ARHGEF1: variants seen among roughly 807,000 people sequenced by gnomAD.
The protein encoded by ARHGEF1 is Rho guanine nucleotide exchange factor 1.
ARHGEF1 carries 40 observed loss-of-function variants against 119.7 expected under a neutral mutation model. The ratio of observed to expected loss-of-function variants is 0.33; its 90% CI spans 0.26 to 0.44. The LOEUF is 0.44. Ranked by LOEUF, ARHGEF1 falls within the 20% of genes least tolerant of loss-of-function variation. ARHGEF1 has a pLI of 1.00. For synonymous variants in ARHGEF1, 494 were observed against 521.0 expected (o/e 0.95, Z 0.71); for missense variants, 976 against 1,268.3 (o/e 0.77, Z 3.50).
At chr19:41,926,288 G>A (rs1221463992) in intron 1 of ARHGEF1, among the ~76,000 whole-genome samples, 3 of 152,080 alleles carry the variant, frequency 2.0e-5, no homozygotes, top group African/African-American at 4.8e-5. Flanking sequence ...AGGGGCAGGT[G>A]AGAGGAAATA....
At chr19:41,887,013 A>G (rs1555845323) in intron 1 of ARHGEF1, among the ~76,000 whole-genome samples, 2 of 152,236 alleles carry the variant, frequency 1.3e-5, no homozygotes, top group African/African-American at 4.8e-5. Flanking sequence ...TGGGAGAGAC[A>G]GCAAGAGATG....
intron 13 of ARHGEF1, chr19:41,897,145 C>T (rs1364739172): frequency 6.3e-6 from 3 of 478,152 alleles, no homozygotes; most frequent in African/African-American, 4.5e-5. Flanking sequence ...CCTCAACCCC[C>T]CACCCCTCTG....
intron 12 of ARHGEF1, among the ~76,000 whole-genome samples, chr19:41,895,760 CTT>C: frequency 6.6e-6 from 1 of 152,280 alleles, no homozygotes; most frequent in East Asian, 1.9e-4. Flanking sequence ...TCAACCCTTC[CTT>C]TTCCAGAACC....
At position 41,916,422 on chromosome 19, in the gene ARHGEF1, C is replaced by G. The variant is rs1404869563; in HGVS notation, c.1866-6670C>G. 6.6e-6 allele frequency among the ~76,000 whole-genome samples: 1 copy of G among 152,136 alleles called. No homozygotes were observed. The highest frequency in any genetic ancestry group is 2.4e-5 in the African/African-American group (1 of 41,426). On this transcript the variant is annotated intron_variant, in intron 18 of 20. Coordinates refer to the ARHGEF1 transcript ENST00000599589. The surrounding 1 kb of genome is among the most constrained non-coding windows in gnomAD (Gnocchi z 5.4). ...ACACACCAACACTGTCACAGTCACA[C>G]ACACACACATCAGCATAGTCACAGA...
chr19:41,908,517 G>A (rs2074732330), downstream of ARHGEF1: 1 of 1,231,654 alleles, frequency 8.1e-7, no homozygotes, highest in South Asian at 4.1e-5. The surrounding 1 kb of genome is among the most constrained non-coding windows in gnomAD (Gnocchi z 6.7). Flanking sequence ...GTGGCCCAGG[G>A]AACTGGCCAG....
At chr19:41,895,927 A>C (rs1392053266) in intron 12 of ARHGEF1, among the ~76,000 whole-genome samples, 2 of 152,124 alleles carry the variant, frequency 1.3e-5, no homozygotes, top group East Asian at 3.9e-4. Context: ...GGGCTCACAC[A>C]CCAGCTCTGC....
At position 41,902,783 on chromosome 19, in the gene ARHGEF1, GGAA is replaced by G; in HGVS notation, c.1625_1627del (p.Glu542del). ...TCGCAACACCAGCATGTTTCCCGCA[GGAA>G]GCTGAGAGCCGCCCGCGGTGCCGCC... On this transcript the variant is annotated inframe_deletion and splice_region_variant, in exon 18 of 29. Transcript: ENST00000354532. This position sits in a 1 kb window ranked among gnomAD's most constrained non-coding sequence, Gnocchi z 6.5. 6.2e-7 allele frequency: 1 copy of G among 1,613,226 alleles called. No homozygotes were observed. The highest frequency in any genetic ancestry group is 8.5e-7 in the Non-Finnish European group (1 of 1,180,010).
upstream of ARHGEF1, among the ~76,000 whole-genome samples, chr19:41,919,261 C>T (rs1224018894): frequency 2.6e-5 from 4 of 152,146 alleles, no homozygotes; most frequent in African/African-American, 9.7e-5. Flanking sequence ...CACAGAAGCA[C>T]ACAGGGTGAC....
chr19:41,927,989 G>A (rs2074881892), intron 1 of ARHGEF1: 1 of 150,842 alleles, frequency 6.6e-6, no homozygotes, highest in Admixed American at 6.6e-5. Context: ...CTCCTGGGGC[G>A]GGAATCCCCG....
At chr19:41,908,567 C>T, downstream of ARHGEF1, 3 of 1,231,650 alleles carry the variant, frequency 2.4e-6, no homozygotes, top group Non-Finnish European at 3.0e-6. This position sits in a 1 kb window ranked among gnomAD's most constrained non-coding sequence, Gnocchi z 6.7. Context: ...GAGAGGGAGG[C>T]AGCTTGGGGA....
chr19:41,910,442 AGC>A (rs1437089847), downstream of ARHGEF1, among the ~76,000 whole-genome samples: 1 of 152,052 alleles, frequency 6.6e-6, no homozygotes, highest in Non-Finnish European at 1.5e-5. The surrounding 1 kb of genome is among the most constrained non-coding windows in gnomAD (Gnocchi z 4.4). Context: ...CGCCTCCAAC[AGC>A]GTTAGTCCTC....
downstream of ARHGEF1, among the ~76,000 whole-genome samples, chr19:41,911,147 C>T (rs2074749257): frequency 6.6e-6 from 1 of 152,134 alleles, no homozygotes; most frequent in Non-Finnish European, 1.5e-5. Context: ...AGCACTGACA[C>T]CCCCGGCTCA....
At chr19:41,921,032 C>T (rs782498024), upstream of ARHGEF1, among the ~76,000 whole-genome samples, 11 of 152,200 alleles carry the variant, frequency 7.2e-5, no homozygotes, top group Non-Finnish European at 1.2e-4. The surrounding 1 kb of genome is among the most constrained non-coding windows in gnomAD (Gnocchi z 4.4). Flanking sequence ...AGCAGCGCTC[C>T]GAATGGTGTC....
chr19:41,895,442 T>A lies in ARHGEF1; in HGVS notation c.971T>A (p.Val324Asp). Reference sequence around the variant, plus strand: ...GCTCCTGGGCAGGACACCCCTGGAGTCTCTCTGCACCCTCTGTCCCTGGAC... The same window carrying A: ...GCTCCTGGGCAGGACACCCCTGGAGACTCTCTGCACCCTCTGTCCCTGGAC... ...IGAPGQDTPG[V>D]SLHPLSLDSP... The change falls in exon 12 of 29, where the codon GTC (valine) becomes GAC (aspartate). Residue 324 changes from valine (V) to aspartate (D), a missense_variant. Val to Asp is a radical substitution (Grantham distance 152). Coordinates refer to ENST00000354532, the MANE Select transcript of ARHGEF1 (RefSeq NM_004706.4). 6.2e-7 allele frequency: 1 copy of A among 1,611,426 alleles called. No individual in the cohort carries two copies. Among genetic ancestry groups the A allele is most frequent in the Non-Finnish European group, 8.5e-7 (1 of 1,179,244 alleles).
chr19:41,901,891 G>C lies in ARHGEF1; in HGVS notation c.1272G>C (p.Leu424=). The change falls in exon 15 of 29, where the codon CTG becomes CTC. Residue 424 remains leucine, a synonymous_variant. Coordinates refer to ENST00000354532, the MANE Select transcript of ARHGEF1 (RefSeq NM_004706.4). The part of the protein sequence containing the change: ...QVKRQEVISE[L]LVTEAAHVRM... ...CCTGCTTTGGTGGCCCTGCAGAGCTGCTGGTGACAGAGGCGGCCCACGTGC... is the reference window on the plus strand; with the variant it reads ...CCTGCTTTGGTGGCCCTGCAGAGCTCCTGGTGACAGAGGCGGCCCACGTGC... 2 of 1,609,868 alleles carry C rather than the reference G, an allele frequency of 1.2e-6. No homozygotes were observed. Among genetic ancestry groups the C allele is most frequent in the South Asian group, 2.2e-5 (2 of 91,034 alleles).
chr19:41,894,075 G>C (rs2074429792), intron 8 of ARHGEF1, 132 bp from the exon 9 acceptor site: 1 of 535,126 alleles, frequency 1.9e-6, no homozygotes, highest in African/African-American at 2.2e-5. Flanking sequence ...GTAGTTGTGG[G>C]GTCAGGATGG....
At chr19:41,890,046 C>T (rs1454027803) in intron 4 of ARHGEF1, 2 of 152,158 alleles carry the variant, frequency 1.3e-5, no homozygotes, top group Non-Finnish European at 2.9e-5. Flanking sequence ...GGTTTATTCT[C>T]GCATAGCTCC....
chr19:41,915,947 G>A (rs945750959), intron 18 of ARHGEF1, among the ~76,000 whole-genome samples: 9 of 142,594 alleles, frequency 6.3e-5, no homozygotes, highest in East Asian at 4.2e-4. Flanking sequence ...CCTCCCCCCC[G>A]CCGGCCGGCG....
chr19:41,922,723 T>G (rs1599680223), upstream of ARHGEF1, among the ~76,000 whole-genome samples: 1 of 151,396 alleles, frequency 6.6e-6, no homozygotes, highest in East Asian at 1.9e-4. Flanking sequence ...AGGGCCGGGG[T>G]CCAGCCGGGC....
Sources: gnomAD v4.1 joint callset for allele counts (sites outside exome capture counted in the v4.1 genomes callset) on GRCh38, gnomAD v4.1.1 for gene constraint, Gnocchi (gnomAD v3.1) non-coding constraint, MANE v1.5 for transcripts, NCBI Gene and HGNC (gene_info 2026-07-23, HGNC 2026-07-21) for gene names.